The following UTRN variants were observed in gnomAD, a reference collection of about 807,000 sequenced individuals.
UTRN encodes the protein dystrophin-related protein 1.
In UTRN, 283 loss-of-function variants were observed where a neutral mutation model predicts 463.9. That is an observed-to-expected ratio of 0.61 (90% CI 0.55 to 0.67). The LOEUF is 0.67. UTRN is among the 30% of genes least tolerant of loss of function. The pLI is 0.00. For missense variants in UTRN, 3,922 were observed against 4,084.3 expected (o/e 0.96, Z 1.08); for synonymous variants, 1,442 against 1,431.5 (o/e 1.01, Z -0.17).
intron 2 of UTRN, among the ~76,000 whole-genome samples, chr6:144,350,842 G>T (rs1190065090): frequency 2.0e-5 from 3 of 152,128 alleles, no homozygotes; most frequent in Non-Finnish European, 2.9e-5. Context: ...TTAAAAGATA[G>T]ATATTATTTT....
At chr6:144,632,394 A>T (rs924282598) in intron 51 of UTRN, among the ~76,000 whole-genome samples, 11 of 152,172 alleles carry the variant, frequency 7.2e-5, no homozygotes, top group African/African-American at 2.4e-4. Flanking sequence ...CCTCAAATTG[A>T]AGATCTGGGA....
At position 144,836,549 on chromosome 6, in the gene UTRN, G is replaced by T. The variant is rs369732551; in HGVS notation, c.10065+8G>T. On this transcript the variant is annotated splice_region_variant and intron_variant, in intron 71 of 74. Coordinates refer to ENST00000367545, the MANE Select transcript of UTRN (RefSeq NM_007124.3). The stretch of plus-strand genomic sequence containing the variant: ...CGACAGCTGCTGGAGCAGGTAGGGT[G>T]TGTAGAATTCAGCGTCACACCTCCC... 159 of 1,612,662 alleles carry T rather than the reference G, an allele frequency of 9.9e-5. No individual in the cohort carries two copies. Among genetic ancestry groups the T allele is most frequent in the Non-Finnish European group, 7.4e-5 (87 of 1,179,766 alleles).
intron 69 of UTRN, among the ~76,000 whole-genome samples, chr6:144,832,759 C>A (rs189473050): frequency 3.7e-4 from 57 of 152,044 alleles, no homozygotes; most frequent in Non-Finnish European, 3.8e-4. Flanking sequence ...TTATTATTTT[C>A]TTTTAGGTAT....
At chr6:144,771,853 T>A in intron 58 of UTRN, 54 bp from the exon 59 acceptor site, 1 of 1,449,202 alleles carries the variant, frequency 6.9e-7, no homozygotes, top group Non-Finnish European at 9.4e-7. Flanking sequence ...TTTTGGCCTA[T>A]ATGAAGTTTT....
rs765122659 is a variant in UTRN at position 144,484,432 on chromosome 6, C to CTTTTT, written c.3688-930_3688-926dup. Among the ~76,000 whole-genome samples the CTTTTT allele has an allele frequency of 5.0e-4, 33 of 66,254 alleles. 4 individuals carry two copies. Among genetic ancestry groups the CTTTTT allele is most frequent in the African/African-American group, 1.8e-3 (23 of 13,096 alleles). The allele number at this position is 66,254 out of a possible 152,430, so 43.5% of individuals were successfully genotyped here. A position where few individuals can be genotyped will look rare whatever the true frequency, so the allele number is the denominator to read the frequency against. The stretch of plus-strand genomic sequence containing the variant: ...TTTTTCATTTTGTTCAAAAACCAAA[C>CTTTTT]TTTTTTTTTTTTTTTTTTTTTTTTT... On this transcript the variant is annotated intron_variant, in intron 27 of 74. Coordinates refer to ENST00000367545, the MANE Select transcript of UTRN (RefSeq NM_007124.3).
At chr6:144,476,439 G>T (rs1312766570) in intron 25 of UTRN, among the ~76,000 whole-genome samples, 4 of 152,092 alleles carry the variant, frequency 2.6e-5, no homozygotes, top group East Asian at 1.9e-4. Context: ...CCTAAGGAAA[G>T]AATTGGATGT....
intron 47 of UTRN, among the ~76,000 whole-genome samples, chr6:144,549,979 G>A (rs1446947476): frequency 3.3e-5 from 5 of 152,104 alleles, no homozygotes; most frequent in African/African-American, 7.2e-5. Flanking sequence ...CATGATAACC[G>A]TGCTCTGCTT....
intron 2 of UTRN, among the ~76,000 whole-genome samples, chr6:144,366,901 G>A (rs991485267): frequency 6.6e-6 from 1 of 152,078 alleles, no homozygotes; most frequent in Non-Finnish European, 1.5e-5. Flanking sequence ...CTGCCACTTC[G>A]CCAGTGCCTA....
rs9390232 is a variant in UTRN, at chr6:144,825,796, A to G, written c.9495-1552A>G. ...CATTCACCTGACATTTAACATATTC[A>G]GGGTTAATGAAGAACAGTGACGTGG... On this transcript the variant is annotated intron_variant, in intron 66 of 74. Transcript: ENST00000367545. Among the ~76,000 whole-genome samples, 234 of 152,304 alleles carry G rather than the reference A, an allele frequency of 1.5e-3. 6 individuals carry two copies. The East Asian group carries it at 0.038, about 25-fold the overall frequency.
At chr6:144,785,487 T>A (rs1776219127) in intron 61 of UTRN, among the ~76,000 whole-genome samples, 1 of 152,224 alleles carries the variant, frequency 6.6e-6, no homozygotes, top group African/African-American at 2.4e-5. Context: ...AGTCTTTTGA[T>A]AATCATTTGA....
intron 53 of UTRN, among the ~76,000 whole-genome samples, chr6:144,709,750 G>T (rs543155497): frequency 8.4e-4 from 128 of 152,198 alleles, no homozygotes; most frequent in Middle Eastern, 3.4e-3. Context: ...TATTCCAAAA[G>T]GTATGATCTC....
At chr6:144,707,056 C>G (rs1339152506) in intron 53 of UTRN, 1 of 152,130 alleles carries the variant, frequency 6.6e-6, no homozygotes, top group African/African-American at 2.4e-5. Context: ...CCCTTTAAAG[C>G]ATTTTTTCTC....
chr6:144,563,783 T>C (rs569037339), intron 50 of UTRN, among the ~76,000 whole-genome samples: 1 of 152,366 alleles, frequency 6.6e-6, no homozygotes, highest in South Asian at 2.1e-4. Context: ...CCTCTTCTGT[T>C]ACGTTGTTTT....
chr6:144,602,515 T>G (rs531257675), intron 51 of UTRN, among the ~76,000 whole-genome samples: 3 of 152,320 alleles, frequency 2.0e-5, no homozygotes, highest in Non-Finnish European at 4.4e-5. Context: ...AACATTGAAT[T>G]GTAAGCTATG....
chr6:144,353,028 G>A lies in UTRN; in HGVS notation c.80-50095G>A, dbSNP rs931285945. On this transcript the variant is annotated intron_variant, in intron 2 of 74. Coordinates refer to ENST00000367545, the MANE Select transcript of UTRN (RefSeq NM_007124.3). ...CATGAGCTAGGTTCACTGTAGCCTC[G>A]ATCTCCGGGGGTCAAGCAGTCCTCC... Among the ~76,000 whole-genome samples the A allele has an allele frequency of 1.2e-4, 18 of 151,874 alleles. No homozygotes were observed. In the East Asian group the frequency reaches 2.3e-3, roughly 20 times the overall value.
At chr6:144,832,803 T>C (rs1780778603) in intron 69 of UTRN, among the ~76,000 whole-genome samples, 1 of 152,038 alleles carries the variant, frequency 6.6e-6, no homozygotes, top group African/African-American at 2.4e-5. Context: ...TAATTTTTTG[T>C]TTGTTTGTTT....
chr6:144,788,392 A>G (rs1476795529), intron 61 of UTRN, among the ~76,000 whole-genome samples: 1 of 152,186 alleles, frequency 6.6e-6, no homozygotes, highest in African/African-American at 2.4e-5. Context: ...ATTAGTATTC[A>G]GCAAGTTGTA....
chr6:144,288,120 C>T (rs1803865159), intron 1 of UTRN, among the ~76,000 whole-genome samples: 1 of 152,228 alleles, frequency 6.6e-6, no homozygotes, highest in African/African-American at 2.4e-5. Context: ...TGGCAAGTAA[C>T]CTCAGTGGCT....
chr6:144,539,483 T>G (rs1302857232), intron 45 of UTRN, 40 bp downstream of exon 45: 1 of 1,533,446 alleles, frequency 6.5e-7, no homozygotes. Flanking sequence ...TCATATTTAT[T>G]GATTTTGTTG....
Sources: gnomAD v4.1 joint callset for allele counts (sites outside exome capture counted in the v4.1 genomes callset) on GRCh38, gnomAD v4.1.1 for gene constraint, MANE v1.5 for transcripts, NCBI Gene and HGNC (gene_info 2026-07-23, HGNC 2026-07-21) for gene names.